The following PLEKHA5 variants were observed in gnomAD, a reference collection of about 807,000 sequenced individuals.
PLEKHA5 encodes pleckstrin homology domain-containing family A member 5.
PLEKHA5 carries 55 observed loss-of-function variants against 181.9 expected under a neutral mutation model. That is an observed-to-expected ratio of 0.30 (90% CI 0.24 to 0.38). The LOEUF is 0.38. Ranked by LOEUF, PLEKHA5 falls within the 10% of genes least tolerant of loss-of-function variation. The pLI, the probability that PLEKHA5 is intolerant of heterozygous loss-of-function variation, is 1.00. For missense variants in PLEKHA5, 1,432 were observed against 1,549.5 expected, an observed-to-expected ratio of 0.92 and a Z score of 1.27; for synonymous variants, 535 against 529.4, an observed-to-expected ratio of 1.01 and a Z score of -0.15.
chr12:19,251,082 G>A (rs937686409), intron 3 of PLEKHA5, among the ~76,000 whole-genome samples: 12 of 152,192 alleles, frequency 7.9e-5, no homozygotes, highest in Admixed American at 6.5e-4. Context: ...TTATTGGGAG[G>A]TGCTGGGAGG....
At chr12:19,301,948 T>C (rs1031768271) in intron 15 of PLEKHA5, among the ~76,000 whole-genome samples, 30 of 152,272 alleles carry the variant, frequency 2.0e-4, no homozygotes, top group Middle Eastern at 3.4e-3. Context: ...CAAATTTACA[T>C]TGTTATTATC....
Position 19,357,457 on chromosome 12 carries a change from G to T in PLEKHA5, c.3139-771G>T, listed in dbSNP as rs143359462. On this transcript the variant is annotated intron_variant, in intron 26 of 31. Transcript: ENST00000429027. Reference sequence around the variant, plus strand: ...GACAGGGTTTCGCCATGTTGGCCAGGCTGGTCTTGAACTCCTGATCTCAAG... The same window carrying T: ...GACAGGGTTTCGCCATGTTGGCCAGTCTGGTCTTGAACTCCTGATCTCAAG... Among the ~76,000 whole-genome samples, 61 of 152,102 alleles carry T rather than the reference G, an allele frequency of 4.0e-4. 1 individual carries two copies. The highest frequency in any genetic ancestry group is 1.5e-3 in the African/African-American group (61 of 41,510).
At chr12:19,167,405 A>ATTTGTTTTTTTTTTTTT (rs2044660352) in intron 3 of PLEKHA5, among the ~76,000 whole-genome samples, 1 of 91,198 alleles carries the variant, frequency 1.1e-5, no homozygotes, top group African/African-American at 4.5e-5. Context: ...CTGAGGCTTA[A>ATTTGTTTTTTTTTTTTT]TTTTTTTTTT....
chr12:19,252,078 A>T (rs2065476026), intron 3 of PLEKHA5, among the ~76,000 whole-genome samples: 1 of 152,182 alleles, frequency 6.6e-6, no homozygotes, highest in Non-Finnish European at 1.5e-5. Context: ...TTCATTAATG[A>T]TTCTACTCTT....
At chr12:19,332,033 C>A (rs538772886) in intron 20 of PLEKHA5, among the ~76,000 whole-genome samples, 1 of 152,118 alleles carries the variant, frequency 6.6e-6, no homozygotes, top group African/African-American at 2.4e-5. Context: ...CACAGAGGCT[C>A]ACACCTGTAA....
At chr12:19,360,302 C>CA (rs11317195) in intron 28 of PLEKHA5, among the ~76,000 whole-genome samples, 160 of 147,360 alleles carry the variant, frequency 1.1e-3, no homozygotes, top group African/African-American at 3.7e-3. Context: ...GATCCTGTTT[C>CA]AAAAAAAAAA....
rs576639249 is a variant in PLEKHA5 at position 19,140,217 on chromosome 12, G to A, written c.227+7767G>A. ...AAACAATAAATAAGTACATTTTATA[G>A]TATGTTAGACTACACATAAATCCTC... On this transcript the variant is annotated intron_variant, in intron 3 of 31. Coordinates refer to ENST00000429027, the MANE Select transcript of PLEKHA5 (RefSeq NM_001256470.2). 2.6e-5 allele frequency among the ~76,000 whole-genome samples: 4 copies of A among 152,290 alleles called. 1 individual carries two copies. The highest frequency in any genetic ancestry group is 2.1e-4 in the South Asian group (1 of 4,832).
chr12:19,301,442 G>A (rs1304566147), intron 15 of PLEKHA5, among the ~76,000 whole-genome samples: 1 of 151,866 alleles, frequency 6.6e-6, no homozygotes, highest in Non-Finnish European at 1.5e-5. Flanking sequence ...GAAATTAAAG[G>A]AACAGGGATT....
chr12:19,287,000 C>T (rs2077361168), intron 12 of PLEKHA5, among the ~76,000 whole-genome samples: 1 of 151,578 alleles, frequency 6.6e-6, no homozygotes, highest in South Asian at 2.1e-4. Flanking sequence ...TCTGCTCATC[C>T]ACATCATTAT....
chr12:19,298,717 C>CA (rs1238931606), intron 15 of PLEKHA5, among the ~76,000 whole-genome samples: 1 of 151,506 alleles, frequency 6.6e-6, no homozygotes, highest in Non-Finnish European at 1.5e-5. Flanking sequence ...AAAGCTAAAG[C>CA]AAAAAAATAA....
intron 3 of PLEKHA5, chr12:19,147,213 A>G (rs1432969286): frequency 1.3e-5 from 2 of 152,220 alleles, no homozygotes; most frequent in East Asian, 1.9e-4. Flanking sequence ...ACATAAGTCA[A>G]TGAGTATTTG....
intron 3 of PLEKHA5, among the ~76,000 whole-genome samples, chr12:19,226,605 A>G (rs556069293): frequency 1.2e-3 from 184 of 152,274 alleles, no homozygotes; most frequent in African/African-American, 4.3e-3. Context: ...TCCAAATTAA[A>G]TTGTGAACAA....
At chr12:19,337,347 G>A (rs1592542565) in intron 21 of PLEKHA5, among the ~76,000 whole-genome samples, 1 of 152,024 alleles carries the variant, frequency 6.6e-6, no homozygotes, top group African/African-American at 2.4e-5. Flanking sequence ...GAGGTCAGGA[G>A]TTTGAGACCA....
At chr12:19,206,687 TG>T (rs1325413530) in intron 3 of PLEKHA5, among the ~76,000 whole-genome samples, 2 of 152,100 alleles carry the variant, frequency 1.3e-5, no homozygotes, top group Non-Finnish European at 2.9e-5. Flanking sequence ...TCCCCCACTA[TG>T]CCATTTTCCA....
At chr12:19,220,622 T>C (rs986079171) in intron 3 of PLEKHA5, among the ~76,000 whole-genome samples, 5 of 152,196 alleles carry the variant, frequency 3.3e-5, no homozygotes, top group African/African-American at 1.2e-4. Context: ...GATTGTGACC[T>C]TTGGGTTGAT....
chr12:19,200,272 A>G (rs1032961793), intron 3 of PLEKHA5: 10 of 1,325,486 alleles, frequency 7.5e-6, no homozygotes, highest in Non-Finnish European at 9.4e-6. Flanking sequence ...TTATGTACCA[A>G]TAAAAAAAAA....
intron 13 of PLEKHA5, 59 bp from the exon 14 acceptor site, chr12:19,290,618 C>T: frequency 6.8e-7 from 1 of 1,468,456 alleles, no homozygotes; most frequent in South Asian, 1.3e-5. Flanking sequence ...ATATCTGTCA[C>T]TTAAGACAAC....
intron 20 of PLEKHA5, among the ~76,000 whole-genome samples, chr12:19,328,759 G>C (rs2092540850): frequency 6.6e-6 from 1 of 152,056 alleles, no homozygotes. Flanking sequence ...GGGTTTTCTA[G>C]GTATAGGTCA....
At chr12:19,200,320 T>C (rs1179913875) in intron 3 of PLEKHA5, 2 of 1,527,848 alleles carry the variant, frequency 1.3e-6, no homozygotes, top group Non-Finnish European at 1.8e-6. Context: ...CCTTTATCCT[T>C]CCAGCTGAAT....
Sources: gnomAD v4.1 joint callset for allele counts (sites outside exome capture counted in the v4.1 genomes callset) on GRCh38, gnomAD v4.1.1 for gene constraint, MANE v1.5 for transcripts, NCBI Gene and HGNC (gene_info 2026-07-23, HGNC 2026-07-21) for gene names.